The following ARHGAP42 variants were observed in gnomAD, a reference collection of about 807,000 sequenced individuals.
ARHGAP42 encodes Rho GTPase activating protein 42.
Under a neutral mutation model 125.0 loss-of-function variants are expected in ARHGAP42, and 63 were observed. The ratio of observed to expected loss-of-function variants is 0.50; its 90% CI spans 0.41 to 0.62. The LOEUF is 0.62. ARHGAP42 is among the 20% of genes least tolerant of loss of function. The pLI, the probability that ARHGAP42 is intolerant of heterozygous loss-of-function variation, is 0.00. For synonymous variants in ARHGAP42, 339 were observed against 351.0 expected (o/e 0.97, Z 0.38); for missense variants, 766 against 1,024.2 (o/e 0.75, Z 3.44).
At chr11:100,764,978 G>C (rs1226273209) in intron 1 of ARHGAP42, among the ~76,000 whole-genome samples, 2 of 151,970 alleles carry the variant, frequency 1.3e-5, no homozygotes, top group African/African-American at 4.8e-5. Context: ...GAGCTTTTTG[G>C]AAAAAATGAG....
chr11:100,946,639 G>A (rs1251910829), intron 10 of ARHGAP42, among the ~76,000 whole-genome samples: 1 of 152,004 alleles, frequency 6.6e-6, no homozygotes, highest in Non-Finnish European at 1.5e-5. Context: ...CCAGTCAGTG[G>A]AGCAGTGGCA....
chr11:100,988,968 G>T lies in ARHGAP42; in HGVS notation c.*167G>T. ...GTAGCTCCTTATTAATGGAAAAAAA[G>T]ATTTAAATTGTTGGCCATTCTTTTT... On this transcript the variant is annotated 3_prime_UTR_variant, in exon 24 of 24. Transcript: ENST00000298815. 1 of 491,666 alleles carries T rather than the reference G, an allele frequency of 2.0e-6. No individual in the cohort carries two copies. The highest frequency in any genetic ancestry group is 4.7e-5 in the South Asian group (1 of 21,444). The allele number at this position is 491,666 out of a possible 1,614,324, so 30.5% of individuals were successfully genotyped here.
intron 4 of ARHGAP42, among the ~76,000 whole-genome samples, chr11:100,861,337 G>A (rs747043277): frequency 6.6e-5 from 10 of 152,200 alleles, no homozygotes; most frequent in Non-Finnish European, 1.3e-4. Context: ...TAGAGGCCAC[G>A]TGTGCAGCTT....
At position 100,875,103 on chromosome 11, in the gene ARHGAP42, CTCTCTGTG is replaced by C. The variant is rs1441055480; in HGVS notation, c.384+15480_384+15487del. On this transcript the variant is annotated intron_variant, in intron 4 of 23. Coordinates refer to ENST00000298815, the MANE Select transcript of ARHGAP42 (RefSeq NM_152432.4). ...TCTCTCTCTCTCTCTCTCTCTCTCTCTCTCTGTGTGTGTGTGTGTGTGTGTGTGTGTGT... is the reference window on the plus strand; with the variant it reads ...TCTCTCTCTCTCTCTCTCTCTCTCTCTGTGTGTGTGTGTGTGTGTGTGTGT... Among the ~76,000 whole-genome samples the C allele has an allele frequency of 4.2e-3, 221 of 52,880 alleles. No individual in the cohort carries two copies. In the East Asian group the frequency reaches 0.052, roughly 12 times the overall value. The allele number at this position is 52,880 out of a possible 152,430, so 34.7% of individuals were successfully genotyped here. A position where few individuals can be genotyped will look rare whatever the true frequency, so the allele number is the denominator to read the frequency against.
chr11:100,775,330 G>A (rs545843330), intron 2 of ARHGAP42, among the ~76,000 whole-genome samples: 1 of 152,090 alleles, frequency 6.6e-6, no homozygotes, highest in African/African-American at 2.4e-5. Context: ...ACTATAAACC[G>A]GTATAAGATA....
intron 3 of ARHGAP42, among the ~76,000 whole-genome samples, chr11:100,834,835 C>G (rs1022119522): frequency 6.8e-5 from 10 of 147,008 alleles, no homozygotes; most frequent in Non-Finnish European, 1.5e-5. Flanking sequence ...CAGGGAACTT[C>G]TGAGTCCTTT....
At chr11:100,863,050 A>AC (rs900527725) in intron 4 of ARHGAP42, among the ~76,000 whole-genome samples, 3 of 85,864 alleles carry the variant, frequency 3.5e-5, no homozygotes, top group African/African-American at 1.4e-4. Context: ...AAAAAAAAAA[A>AC]AAACACAAAA....
At position 100,875,141 on chromosome 11, in the gene ARHGAP42, GT is replaced by G. The variant is rs1865790412; in HGVS notation, c.384+15517del. On this transcript the variant is annotated intron_variant, in intron 4 of 23. Coordinates refer to ENST00000298815, the MANE Select transcript of ARHGAP42 (RefSeq NM_152432.4). ...TGTGTGTGTGTGTGTGTGTGTGTGT[GT>G]GTGTGTGTGTGGCTCATGAACTATG... 2.0e-5 allele frequency among the ~76,000 whole-genome samples: 3 copies of G among 147,960 alleles called. No homozygotes were observed. In the East Asian group the frequency reaches 5.8e-4, roughly 29 times the overall value.
At chr11:100,777,689 A>G (rs774198208) in intron 2 of ARHGAP42, among the ~76,000 whole-genome samples, 111 of 152,332 alleles carry the variant, frequency 7.3e-4, no homozygotes, top group South Asian at 1.7e-3. Context: ...AACTGCCATA[A>G]TAAATGCAGA....
rs543178382 is a variant in ARHGAP42 at position 100,714,644 on chromosome 11, C to T, written c.154+26812C>T. Among the ~76,000 whole-genome samples, 23 of 152,180 alleles carry T rather than the reference C, an allele frequency of 1.5e-4. No individual in the cohort carries two copies. The South Asian group carries it at 3.9e-3, about 26-fold the overall frequency. On this transcript the variant is annotated intron_variant, in intron 1 of 23. Coordinates refer to ENST00000298815, the MANE Select transcript of ARHGAP42 (RefSeq NM_152432.4). The stretch of plus-strand genomic sequence containing the variant: ...TGGAGAGGTAGTAGACATCAGTTAG[C>T]GTAGAGATATCTGGCTAGGCTTTTC...
intron 4 of ARHGAP42, among the ~76,000 whole-genome samples, chr11:100,866,516 A>G (rs1865573686): frequency 6.6e-6 from 1 of 152,222 alleles, no homozygotes; most frequent in Non-Finnish European, 1.5e-5. Context: ...TGGGTAATTT[A>G]TGAAGAAAAG....
intron 3 of ARHGAP42, among the ~76,000 whole-genome samples, chr11:100,796,888 G>A (rs940884884): frequency 4.7e-5 from 7 of 150,396 alleles, no homozygotes; most frequent in Non-Finnish European, 1.0e-4. Flanking sequence ...TCCTGCCTCA[G>A]CCTCCTGAGT....
At chr11:100,863,171 A>T (rs1865487221) in intron 4 of ARHGAP42, among the ~76,000 whole-genome samples, 1 of 151,622 alleles carries the variant, frequency 6.6e-6, no homozygotes, top group Non-Finnish European at 1.5e-5. Flanking sequence ...GAAAGTACTT[A>T]TTTTTTTTCT....
At chr11:100,936,663 G>A (rs1867746119) in intron 8 of ARHGAP42, among the ~76,000 whole-genome samples, 1 of 152,104 alleles carries the variant, frequency 6.6e-6, no homozygotes, top group Admixed American at 6.6e-5. Context: ...AATCATCCTG[G>A]TGACTGTGAT....
intron 4 of ARHGAP42, among the ~76,000 whole-genome samples, chr11:100,908,029 G>GT (rs1303162962): frequency 6.6e-6 from 1 of 152,110 alleles, no homozygotes; most frequent in Non-Finnish European, 1.5e-5. Context: ...ATAATACTGA[G>GT]ACTGTTGAAA....
chr11:100,936,442 C>G (rs117319530), intron 8 of ARHGAP42, 110 bp downstream of exon 8: 1 of 1,385,250 alleles, frequency 7.2e-7, no homozygotes, highest in Admixed American at 2.5e-5. Flanking sequence ...TTTCTTATAG[C>G]TTTATATCTA....
chr11:100,816,445 G>A (rs2135068230), intron 3 of ARHGAP42, among the ~76,000 whole-genome samples: 1 of 152,280 alleles, frequency 6.6e-6, no homozygotes, highest in Middle Eastern at 3.4e-3. Context: ...GGTTAACAGA[G>A]AGTGAATATT....
chr11:100,840,098 C>A (rs1038946859), intron 3 of ARHGAP42, among the ~76,000 whole-genome samples: 4 of 152,122 alleles, frequency 2.6e-5, no homozygotes, highest in Non-Finnish European at 5.9e-5. Flanking sequence ...TAGTGTAATG[C>A]TTGAAAAAGG....
At chr11:100,776,377 T>C (rs1215792045) in intron 2 of ARHGAP42, among the ~76,000 whole-genome samples, 2 of 152,174 alleles carry the variant, frequency 1.3e-5, no homozygotes, top group Non-Finnish European at 2.9e-5. Context: ...ACTCAAGAGA[T>C]TAAACATTTA....
Sources: gnomAD v4.1 joint callset for allele counts (sites outside exome capture counted in the v4.1 genomes callset) on GRCh38, gnomAD v4.1.1 for gene constraint, MANE v1.5 for transcripts, NCBI Gene and HGNC (gene_info 2026-07-23, HGNC 2026-07-21) for gene names.